Variants in NEO1 observed in about 807,000 individuals in gnomAD.
NEO1 encodes the protein neogenin.
A neutral mutation model predicts 159.7 loss-of-function variants in NEO1; 63 were observed. The observed-to-expected ratio is 0.39, with a 90% confidence interval of 0.32 to 0.49. The LOEUF is 0.49. NEO1 is among the 20% of genes least tolerant of loss of function. The pLI is 0.85. For missense variants in NEO1, 1,615 were observed against 1,831.0 expected (o/e 0.88, Z 2.15); for synonymous variants, 633 against 662.0 (o/e 0.96, Z 0.67).
At chr15:73,298,816 C>T (rs966270744) in intron 27 of NEO1, among the ~76,000 whole-genome samples, 7 of 152,196 alleles carry the variant, frequency 4.6e-5, no homozygotes, top group Admixed American at 2.0e-4. Flanking sequence ...ACTTACAAAC[C>T]GGAGAATAAT....
chr15:73,227,365 G>A (rs978758718), intron 7 of NEO1, among the ~76,000 whole-genome samples: 2 of 152,086 alleles, frequency 1.3e-5, no homozygotes, highest in Admixed American at 1.3e-4. Context: ...GTATGGTGGC[G>A]CATGCCTATA....
intron 1 of NEO1, among the ~76,000 whole-genome samples, chr15:73,088,135 T>G (rs2069468053): frequency 6.6e-6 from 1 of 152,026 alleles, no homozygotes; most frequent in African/African-American, 2.4e-5. Flanking sequence ...ACATATAAAA[T>G]ATATAGTAAT....
intron 5 of NEO1, among the ~76,000 whole-genome samples, chr15:73,139,996 C>T (rs893766729): frequency 2.0e-5 from 3 of 152,144 alleles, no homozygotes; most frequent in African/African-American, 7.2e-5. Flanking sequence ...AGAAAATGGG[C>T]AAAAGACTTG....
At chr15:73,278,497 A>G (rs1336677922) in intron 22 of NEO1, among the ~76,000 whole-genome samples, 1 of 152,184 alleles carries the variant, frequency 6.6e-6, no homozygotes, top group African/African-American at 2.4e-5. Flanking sequence ...TAAACCCTCT[A>G]GTGGGATTAG....
At chr15:73,282,819 C>A in intron 22 of NEO1, 145 bp from the exon 23 acceptor site, 1 of 932,568 alleles carries the variant, frequency 1.1e-6, no homozygotes, top group Non-Finnish European at 1.6e-6. Flanking sequence ...GAGAAGAGAG[C>A]CATGTTCACG....
intron 1 of NEO1, among the ~76,000 whole-genome samples, chr15:73,071,248 T>A (rs1006923395): frequency 2.0e-5 from 3 of 152,176 alleles, no homozygotes; most frequent in Non-Finnish European, 2.9e-5. Flanking sequence ...CCTAAGCGAT[T>A]CTTTATGTGT....
At chr15:73,228,497 G>A (rs368005910) in intron 7 of NEO1, among the ~76,000 whole-genome samples, 20 of 150,002 alleles carry the variant, frequency 1.3e-4, no homozygotes, top group Admixed American at 8.6e-4. Flanking sequence ...ACATGATTTG[G>A]AAATATTGTC....
chr15:73,135,849 G>A (rs772153710), intron 4 of NEO1, 42 bp from the exon 5 acceptor site: 6 of 1,437,338 alleles, frequency 4.2e-6, no homozygotes, highest in Non-Finnish European at 4.6e-6. Context: ...TATTTTCCTA[G>A]TACTGAAATG....
At chr15:73,265,930 C>T (rs190514470) in intron 15 of NEO1, among the ~76,000 whole-genome samples, 2 of 152,340 alleles carry the variant, frequency 1.3e-5, no homozygotes, top group East Asian at 1.9e-4. Flanking sequence ...CTGTTCCCAT[C>T]GCTGTCCTTC....
chr15:73,060,545 G>C (rs1352126944), intron 1 of NEO1, among the ~76,000 whole-genome samples: 1 of 149,896 alleles, frequency 6.7e-6, no homozygotes, highest in Non-Finnish European at 1.5e-5. Flanking sequence ...TGGGATTACA[G>C]ACGTGAGCCA....
At chr15:73,184,591 G>A (rs528781169) in intron 7 of NEO1, among the ~76,000 whole-genome samples, 2 of 152,230 alleles carry the variant, frequency 1.3e-5, no homozygotes, top group East Asian at 1.9e-4. Context: ...TAAATAAACC[G>A]TTGTACATCT....
At chr15:73,235,980 G>T (rs2039149664) in intron 7 of NEO1, among the ~76,000 whole-genome samples, 1 of 152,304 alleles carries the variant, frequency 6.6e-6, no homozygotes, top group Non-Finnish European at 1.5e-5. Flanking sequence ...GGGCACTGCT[G>T]TGCCTTCTGT....
chr15:73,241,484 G>A (rs779643351), intron 8 of NEO1, among the ~76,000 whole-genome samples: 52 of 152,218 alleles, frequency 3.4e-4, no homozygotes, highest in Non-Finnish European at 3.8e-4. Flanking sequence ...GGCCCTTTAA[G>A]AAAAAGTTTG....
At chr15:73,212,944 G>A (rs2037662841) in intron 7 of NEO1, among the ~76,000 whole-genome samples, 1 of 152,134 alleles carries the variant, frequency 6.6e-6, no homozygotes, top group South Asian at 2.1e-4. Context: ...CCATATTTAT[G>A]TGTATATAAA....
At chr15:73,240,665 G>C (rs905894492) in intron 8 of NEO1, among the ~76,000 whole-genome samples, 4 of 152,184 alleles carry the variant, frequency 2.6e-5, no homozygotes, top group Non-Finnish European at 5.9e-5. Flanking sequence ...AATAGAGTCA[G>C]GGAGACAAAA....
At chr15:73,157,697 G>A (rs1398314671) in intron 5 of NEO1, among the ~76,000 whole-genome samples, 1 of 152,174 alleles carries the variant, frequency 6.6e-6, no homozygotes, top group Non-Finnish European at 1.5e-5. Context: ...TATATTTAAA[G>A]TGTGATTGTC....
intron 1 of NEO1, among the ~76,000 whole-genome samples, chr15:73,114,151 A>G (rs149148648): frequency 6.6e-6 from 1 of 152,190 alleles, no homozygotes; most frequent in African/African-American, 2.4e-5. Context: ...TGAGCAAATG[A>G]TATTTAAGCT....
chr15:73,179,718 A>G lies in NEO1; in HGVS notation c.1291+1291A>G, dbSNP rs954479393. Among the ~76,000 whole-genome samples, 17 of 152,344 alleles carry G rather than the reference A, an allele frequency of 1.1e-4. No homozygotes were observed. In the East Asian group the frequency reaches 3.3e-3, roughly 29 times the overall value. The stretch of plus-strand genomic sequence containing the variant: ...TTTGGAGCTGAGAGGCAGTAAATTG[A>G]TAACTGGTACACACTTCAAATCCTA... On this transcript the variant is annotated intron_variant, in intron 7 of 28. Transcript: ENST00000261908.
intron 1 of NEO1, among the ~76,000 whole-genome samples, chr15:73,098,447 G>A (rs1049663921): frequency 1.3e-5 from 2 of 152,068 alleles, no homozygotes. Context: ...CTCCCTGTGT[G>A]TATTAAAAGT....
Sources: gnomAD v4.1 joint callset for allele counts (sites outside exome capture counted in the v4.1 genomes callset) on GRCh38, gnomAD v4.1.1 for gene constraint, MANE v1.5 for transcripts, NCBI Gene and HGNC (gene_info 2026-07-23, HGNC 2026-07-21) for gene names.